The following COBLL1 variants were observed in gnomAD, a reference collection of about 807,000 sequenced individuals.
COBLL1 encodes cordon-bleu protein-like 1.
COBLL1 carries 50 observed loss-of-function variants against 94.8 expected under a neutral mutation model. That is an observed-to-expected ratio of 0.53 (90% CI 0.42 to 0.67). COBLL1 has a LOEUF of 0.67. Ranked by LOEUF, COBLL1 falls within the 30% of genes least tolerant of loss-of-function variation. The probability of loss-of-function intolerance (pLI) is 0.00; values close to 1 mark genes in which losing one functional copy is unlikely to be tolerated. For synonymous variants in COBLL1, 448 were observed against 473.8 expected (o/e 0.95, Z 0.71); for missense variants, 1,362 against 1,348.7 (o/e 1.01, Z -0.15).
intron 2 of COBLL1, among the ~76,000 whole-genome samples, chr2:164,793,349 A>C (rs778451431): frequency 9.9e-5 from 15 of 152,074 alleles, no homozygotes; most frequent in Non-Finnish European, 2.1e-4. Flanking sequence ...TTTTAAAAGA[A>C]GGGAGTTTGT....
At position 164,841,171 on chromosome 2, in the gene COBLL1, T is replaced by C; in HGVS notation, c.26A>G (p.Gln9Arg). MDGRTPRP[Q>R]DAPARRKPKA... ...CTGGGCTTACCTGGCTGGGGCGTCC[T>C]GCGGGCGCGGGGTTCGGCCGTCCAT... Residue 9 changes from glutamine (Q) to arginine (R), a missense_variant, in exon 2 of 14, where the codon CAG becomes CGG. Transcript: ENST00000652658. The surrounding 1 kb of genome is among the most constrained non-coding windows in gnomAD (Gnocchi z 5.5). 4 of 1,231,200 alleles carry C rather than the reference T, an allele frequency of 3.2e-6. No homozygotes were observed. Among genetic ancestry groups the C allele is most frequent in the Non-Finnish European group, 4.0e-6 (4 of 987,994 alleles). The allele number at this position is 1,231,200 out of a possible 1,614,324, so 76.3% of individuals were successfully genotyped here. A position where few individuals can be genotyped will look rare whatever the true frequency, so the allele number is the denominator to read the frequency against.
Position 164,680,806 on chromosome 2 carries a change from A to G in COBLL1, c.*5140T>C, listed in dbSNP as rs767177463. ...GTTCAAATTTAACTGGGCATTCTGT[A>G]TTTTATCTTGCAATCCTGTGAAATA... On this transcript the variant is annotated 3_prime_UTR_variant, in exon 14 of 14. Coordinates refer to ENST00000652658, the MANE Select transcript of COBLL1 (RefSeq NM_001365672.2). 5.9e-5 allele frequency: 9 copies of G among 152,124 alleles called. No homozygotes were observed. The highest frequency in any genetic ancestry group is 1.3e-4 in the Non-Finnish European group (9 of 68,014). 9.4% of individuals were successfully genotyped at this position (152,124 alleles called of 1,614,324 possible). A position where few individuals can be genotyped will look rare whatever the true frequency, so the allele number is the denominator to read the frequency against.
intron 5 of COBLL1, chr2:164,723,750 A>C (rs1685577329): frequency 6.6e-6 from 1 of 151,826 alleles, no homozygotes; most frequent in Non-Finnish European, 1.5e-5. Flanking sequence ...AAAGGAAATC[A>C]TCCAACTTTT....
At chr2:164,677,956 T>C (rs1472884598), downstream of COBLL1, among the ~76,000 whole-genome samples, 2 of 152,208 alleles carry the variant, frequency 1.3e-5, no homozygotes, top group Non-Finnish European at 2.9e-5. Context: ...TCTGAACTTT[T>C]GTCAATAGGC....
chr2:164,733,974 A>G (rs1353706436), intron 3 of COBLL1, among the ~76,000 whole-genome samples: 1 of 152,160 alleles, frequency 6.6e-6, no homozygotes, highest in Non-Finnish European at 1.5e-5. Flanking sequence ...TCAAGGTGTG[A>G]TACATAGACC....
At chr2:164,743,486 G>T (rs1325292783) in intron 3 of COBLL1, 2 of 470,650 alleles carry the variant, frequency 4.2e-6, no homozygotes, top group African/African-American at 4.0e-5. Context: ...AATTGGGTTT[G>T]TGGAATTCAT....
Position 164,730,005 on chromosome 2 carries a change from G to A in COBLL1, c.341C>T (p.Pro114Leu). ...SAEQNHIKFK[P>L]NTPIGMLEVE... The stretch of plus-strand genomic sequence containing the variant: ...CTCCAACATTCCTATTGGTGTGTTT[G>A]GCTTAAATTTAATGTGGTTCTGTTC... The change falls in exon 4 of 14, where the codon CCA (proline) becomes CTA (leucine). Residue 114 changes from proline (P) to leucine (L), a missense_variant. Pro to Leu is a moderately conservative substitution (Grantham distance 98). Coordinates refer to ENST00000652658, the MANE Select transcript of COBLL1 (RefSeq NM_001365672.2). The A allele has an allele frequency of 6.2e-7, 1 of 1,613,986 alleles. No individual in the cohort carries two copies. The highest frequency in any genetic ancestry group is 8.5e-7 in the Non-Finnish European group (1 of 1,179,942).
chr2:164,805,329 C>CTATATATATATA (rs1412509415), intron 2 of COBLL1, among the ~76,000 whole-genome samples: 9 of 22,654 alleles, frequency 4.0e-4, no homozygotes, highest in Non-Finnish European at 4.1e-4. Flanking sequence ...CTCTCTCTCT[C>CTATATATATATA]TCTCTCTCTA....
chr2:164,706,208 C>T (rs1684591758), intron 7 of COBLL1, among the ~76,000 whole-genome samples: 1 of 152,166 alleles, frequency 6.6e-6, no homozygotes, highest in African/African-American at 2.4e-5. Context: ...CTTCTCAGAA[C>T]TCACTTATGA....
intron 3 of COBLL1, among the ~76,000 whole-genome samples, chr2:164,731,266 T>C (rs1179911602): frequency 6.6e-6 from 1 of 152,180 alleles, no homozygotes; most frequent in East Asian, 1.9e-4. Flanking sequence ...AACATAAAAT[T>C]GAAATAAAGT....
At chr2:164,699,272 A>G (rs775651540) in intron 11 of COBLL1, 133 bp downstream of exon 11, 1 of 663,638 alleles carries the variant, frequency 1.5e-6, no homozygotes, top group East Asian at 2.6e-5. Flanking sequence ...TAGTACCCAT[A>G]ATATCCATAA....
intron 2 of COBLL1, among the ~76,000 whole-genome samples, chr2:164,775,409 G>A (rs1470773343): frequency 1.3e-5 from 2 of 151,984 alleles, no homozygotes; most frequent in South Asian, 2.1e-4. Flanking sequence ...AGACTCCTAC[G>A]TGCAATACAT....
At chr2:164,740,984 C>T (rs924583990) in intron 3 of COBLL1, among the ~76,000 whole-genome samples, 2 of 152,000 alleles carry the variant, frequency 1.3e-5, no homozygotes, top group Non-Finnish European at 2.9e-5. Flanking sequence ...GCTTAAGATA[C>T]ACAAAGAAGG....
At position 164,685,173 on chromosome 2, in the gene COBLL1, A is replaced by G. The variant is rs1174396668; in HGVS notation, c.*773T>C. 6.6e-6 allele frequency: 1 copy of G among 152,192 alleles called. No homozygotes were observed. The highest frequency in any genetic ancestry group is 1.5e-5 in the Non-Finnish European group (1 of 68,016). The allele number at this position is 152,192 out of a possible 1,614,324, so 9.4% of individuals were successfully genotyped here. ...AAATGTGAAATAACTGTCACAATAT[A>G]TCAGCATTTTCACAGAAAGATGTTT... On this transcript the variant is annotated 3_prime_UTR_variant, in exon 14 of 14. Coordinates refer to ENST00000652658, the MANE Select transcript of COBLL1 (RefSeq NM_001365672.2).
intron 1 of COBLL1, among the ~76,000 whole-genome samples, chr2:164,673,643 C>A (rs997722469): frequency 4.6e-5 from 7 of 152,138 alleles, no homozygotes; most frequent in Admixed American, 3.3e-4. Flanking sequence ...CACTGCACTG[C>A]AGCCTGGGTG....
chr2:164,657,938 G>A lies in COBLL1; in HGVS notation n.182-4024C>T, dbSNP rs192439301. On this transcript the variant is annotated intron_variant and non_coding_transcript_variant, in intron 2 of 2. Coordinates refer to the COBLL1 transcript ENST00000495084. ...CAGTTGCAAGATTTGATAGAGTGAA[G>A]TAGAGTGAAAACAGAGCTCCCATAC... Among the ~76,000 whole-genome samples the A allele has an allele frequency of 4.0e-5, 6 of 151,384 alleles. No individual in the cohort carries two copies. In the East Asian group the frequency reaches 1.2e-3, roughly 29 times the overall value.
rs1481104396 is a variant in COBLL1, at chr2:164,680,989, T to C, written c.*4957A>G. Reference sequence around the variant, plus strand: ...GAAAAAAAATATTTAGAATTGCTTTTAACTGGTTGGGAGCTAGACAGAAAG... The same window carrying C: ...GAAAAAAAATATTTAGAATTGCTTTCAACTGGTTGGGAGCTAGACAGAAAG... On this transcript the variant is annotated 3_prime_UTR_variant, in exon 14 of 14. Transcript: ENST00000652658. 2 of 152,162 alleles carry C rather than the reference T, an allele frequency of 1.3e-5. No individual in the cohort carries two copies. The highest frequency in any genetic ancestry group is 1.9e-4 in the East Asian group (1 of 5,194). The allele number at this position is 152,162 out of a possible 1,614,324, so 9.4% of individuals were successfully genotyped here.
intron 2 of COBLL1, among the ~76,000 whole-genome samples, chr2:164,764,582 T>C (rs1047117803): frequency 6.6e-6 from 1 of 151,864 alleles, no homozygotes; most frequent in Non-Finnish European, 1.5e-5. Context: ...GGAATCAGGG[T>C]TCCTTGAAAA....
intron 5 of COBLL1, 32 bp from the exon 6 acceptor site, chr2:164,722,554 A>G: frequency 4.0e-6 from 5 of 1,234,982 alleles, no homozygotes; most frequent in Non-Finnish European, 5.6e-6. Flanking sequence ...TTACTTTTGT[A>G]TGTGAGGTTG....
Sources: allele counts gnomAD v4.1 joint callset (sites outside exome capture counted in the v4.1 genomes callset), GRCh38; gene constraint gnomAD v4.1.1; non-coding constraint Gnocchi (gnomAD v3.1); transcripts MANE v1.5; gene names NCBI Gene and HGNC (gene_info 2026-07-23, HGNC 2026-07-21).